Variants in PAN3 observed in about 807,000 individuals in gnomAD.
PAN3 encodes PAN2-PAN3 deadenylation complex subunit PAN3.
PAN3 carries 19 observed loss-of-function variants against 96.2 expected under a neutral mutation model. The observed-to-expected ratio is 0.20, with a 90% CI of 0.14 to 0.29. The LOEUF is 0.29. PAN3 is among the 10% of genes least tolerant of loss of function. The pLI, the probability that PAN3 is intolerant of heterozygous loss-of-function variation, is 1.00. For missense variants in PAN3, 882 were observed against 1,108.1 expected, an observed-to-expected ratio of 0.80 and a Z score of 2.90; for synonymous variants, 433 against 406.6, an observed-to-expected ratio of 1.06 and a Z score of -0.78.
At chr13:28,276,269 G>C (rs936121304) in intron 14 of PAN3, among the ~76,000 whole-genome samples, 1 of 152,056 alleles carries the variant, frequency 6.6e-6, no homozygotes, top group Non-Finnish European at 1.5e-5. Context: ...TATAATAAAC[G>C]AATGTTCAGT....
rs926406688 is a variant in PAN3, at chr13:28,170,804, A to T, written c.431-3468A>T. ...GACGAATGTCTTTATTTATTTTTTC[A>T]TTTTTTTTTGAAATGGAGTTTTGCT... On this transcript the variant is annotated intron_variant, in intron 1 of 18. Coordinates refer to ENST00000380958, the MANE Select transcript of PAN3 (RefSeq NM_175854.8). Among the ~76,000 whole-genome samples the T allele has an allele frequency of 6.0e-5, 9 of 150,446 alleles. 1 individual carries two copies. Among genetic ancestry groups the T allele is most frequent in the African/African-American group, 1.5e-4 (6 of 40,976 alleles).
intron 1 of PAN3, among the ~76,000 whole-genome samples, chr13:28,139,855 C>T (rs556143560): frequency 6.6e-6 from 1 of 152,236 alleles, no homozygotes; most frequent in African/African-American, 2.4e-5. Flanking sequence ...GTCTTGAATG[C>T]ATGTCATGTG....
intron 4 of PAN3, among the ~76,000 whole-genome samples, chr13:28,196,604 TGCCTATTTAAGATA>T: frequency 6.6e-6 from 1 of 151,990 alleles, no homozygotes; most frequent in South Asian, 2.1e-4. Context: ...TTAGGGTGAA[TGCCTATTTAAGATA>T]GAGTGAGTTG....
intron 4 of PAN3, among the ~76,000 whole-genome samples, chr13:28,190,232 A>G (rs371027536): frequency 3.3e-5 from 5 of 152,188 alleles, no homozygotes; most frequent in Non-Finnish European, 7.3e-5. Context: ...GACGTGAGCC[A>G]CCTCACCTGG....
chr13:28,197,771 A>T (rs995412244), intron 5 of PAN3, among the ~76,000 whole-genome samples: 1 of 151,936 alleles, frequency 6.6e-6, no homozygotes, highest in Admixed American at 6.6e-5. Flanking sequence ...GGGTCTCGCC[A>T]TGTTGGCCAG....
chr13:28,271,439 TTAA>T (rs1886614620), intron 13 of PAN3, among the ~76,000 whole-genome samples: 1 of 152,212 alleles, frequency 6.6e-6, no homozygotes, highest in Non-Finnish European at 1.5e-5. Context: ...ACCAAGTTAT[TTAA>T]GTTCATATCC....
At chr13:28,277,435 T>G in intron 15 of PAN3, 59 bp downstream of exon 15, 1 of 1,527,600 alleles carries the variant, frequency 6.5e-7, no homozygotes, top group South Asian at 1.3e-5. Context: ...GACAGAGCTT[T>G]TTTTGTTTTA....
chr13:28,289,122 G>C (rs1041565869), intron 18 of PAN3, among the ~76,000 whole-genome samples: 1 of 151,950 alleles, frequency 6.6e-6, no homozygotes, highest in Non-Finnish European at 1.5e-5. Flanking sequence ...CACCGCACCC[G>C]GCCTAACTCT....
At chr13:28,215,805 G>A in intron 5 of PAN3, 7 of 1,369,834 alleles carry the variant, frequency 5.1e-6, no homozygotes, top group Middle Eastern at 2.5e-4. Context: ...GAGACAGACA[G>A]TTGCTGTGGG....
chr13:28,195,652 C>T (rs1177907577), intron 4 of PAN3, among the ~76,000 whole-genome samples: 1 of 152,130 alleles, frequency 6.6e-6, no homozygotes, highest in African/African-American at 2.4e-5. Flanking sequence ...TTTTCTGCCT[C>T]AGTCTCCCAA....
At chr13:28,273,461 G>C (rs1886797495) in intron 14 of PAN3, among the ~76,000 whole-genome samples, 1 of 152,078 alleles carries the variant, frequency 6.6e-6, no homozygotes, top group African/African-American at 2.4e-5. Flanking sequence ...GATTAGCCAG[G>C]TGTGGTGGCA....
chr13:28,187,698 T>G lies in PAN3; in HGVS notation c.691-9487T>G, dbSNP rs529711795. On this transcript the variant is annotated intron_variant, in intron 4 of 18. Coordinates refer to ENST00000380958, the MANE Select transcript of PAN3 (RefSeq NM_175854.8). The stretch of plus-strand genomic sequence containing the variant: ...CATGTAAATTATGTTCTGCTGTGTT[T>G]GATATAATTTATTTTTCTCATTTTT... Among the ~76,000 whole-genome samples, 10 of 152,354 alleles carry G rather than the reference T, an allele frequency of 6.6e-5. No individual in the cohort carries two copies. The East Asian group carries it at 1.9e-3, about 29-fold the overall frequency.
intron 1 of PAN3, among the ~76,000 whole-genome samples, chr13:28,166,523 T>G (rs1873558923): frequency 6.6e-6 from 1 of 152,196 alleles, no homozygotes. Flanking sequence ...TCTCCTAGGC[T>G]GGTGTTGGAT....
At chr13:28,259,271 G>T (rs1012886419) in intron 7 of PAN3, among the ~76,000 whole-genome samples, 2 of 151,416 alleles carry the variant, frequency 1.3e-5, no homozygotes, top group Admixed American at 1.3e-4. Flanking sequence ...GGGATTATAG[G>T]TGCCTGCCAC....
At chr13:28,141,462 C>CTTTTTTTTTTTTT (rs759736683) in intron 1 of PAN3, among the ~76,000 whole-genome samples, 34 of 90,310 alleles carry the variant, frequency 3.8e-4, no homozygotes, top group East Asian at 9.8e-4. Flanking sequence ...TTCTTTTTTT[C>CTTTTTTTTTTTTT]TTTTTTTTTT....
chr13:28,230,718 A>AAT (rs1029894033), intron 6 of PAN3, among the ~76,000 whole-genome samples: 2 of 152,196 alleles, frequency 1.3e-5, no homozygotes, highest in African/African-American at 4.8e-5. Context: ...AATTAAAATT[A>AAT]CATTGTTAAC....
At chr13:28,143,114 G>GT (rs202192053) in intron 1 of PAN3, among the ~76,000 whole-genome samples, 79 of 151,134 alleles carry the variant, frequency 5.2e-4, no homozygotes, top group African/African-American at 1.8e-3. Flanking sequence ...TTTTGTTTTT[G>GT]TTTTTGTTTT....
At chr13:28,260,684 G>A (rs1170570761) in intron 8 of PAN3, 133 bp downstream of exon 8, 1 of 660,380 alleles carries the variant, frequency 1.5e-6, no homozygotes, top group Non-Finnish European at 2.4e-6. Flanking sequence ...GAATTTAGAA[G>A]TTTTAATTGG....
chr13:28,280,555 A>ATTTTTTTTTTTTTTTTTTTTTTTTTTT lies in PAN3; in HGVS notation c.2319+38_2319+39insTTTTTTTTTTTTTTTTTTTTTTTTTTT, dbSNP rs35542876. 1.0e-6 allele frequency: 1 copy of ATTTTTTTTTTTTTTTTTTTTTTTTTTT among 972,714 alleles called. No individual in the cohort carries two copies. Among genetic ancestry groups the ATTTTTTTTTTTTTTTTTTTTTTTTTTT allele is most frequent in the African/African-American group, 2.3e-5 (1 of 42,722 alleles). 60.3% of individuals were successfully genotyped at this position (972,714 alleles called of 1,614,324 possible). On this transcript the variant is annotated intron_variant, in intron 16 of 18. Transcript: ENST00000380958. The stretch of plus-strand genomic sequence containing the variant: ...GACCTTGCAAAGGTAAAGAGTGTAA[A>ATTTTTTTTTTTTTTTTTTTTTTTTTTT]TTTTTTTTTTTTTTTTTTTTTTTTG...
Sources: gnomAD v4.1 joint callset for allele counts (sites outside exome capture counted in the v4.1 genomes callset) on GRCh38, gnomAD v4.1.1 for gene constraint, MANE v1.5 for transcripts, NCBI Gene and HGNC (gene_info 2026-07-23, HGNC 2026-07-21) for gene names.